The following ANKHD1 variants were observed in gnomAD, a reference collection of about 807,000 sequenced individuals.
ANKHD1 encodes ankyrin repeat and KH domain-containing protein 1.
A neutral mutation model predicts 230.5 loss-of-function variants in ANKHD1; 31 were observed. That is an observed-to-expected ratio of 0.13 (90% CI 0.10 to 0.18). The LOEUF (loss-of-function observed/expected upper bound fraction) is 0.18. Ranked by LOEUF, ANKHD1 falls within the 10% of genes least tolerant of loss-of-function variation. The pLI is 1.00. For missense variants in ANKHD1, 2,256 were observed against 3,071.3 expected (o/e 0.73, Z 6.27); for synonymous variants, 1,074 against 1,117.6 (o/e 0.96, Z 0.78).
chr5:140,486,728 G>A (rs547001997), intron 13 of ANKHD1: 2 of 330,566 alleles, frequency 6.1e-6, no homozygotes, highest in East Asian at 1.1e-4. Context: ...AGGGAGTAAT[G>A]TTATTTCCAT....
At chr5:140,416,965 T>C (rs937077391) in intron 1 of ANKHD1, among the ~76,000 whole-genome samples, 5 of 152,048 alleles carry the variant, frequency 3.3e-5, no homozygotes, top group African/African-American at 1.2e-4. Flanking sequence ...TTTTATGTAA[T>C]TGTTTTATTA....
intron 1 of ANKHD1, among the ~76,000 whole-genome samples, chr5:140,406,515 G>A (rs1307179747): frequency 6.6e-6 from 1 of 151,626 alleles, no homozygotes; most frequent in Non-Finnish European, 1.5e-5. Context: ...TGCTGGCCAA[G>A]CAAAAGACCT....
chr5:140,526,161 C>A lies in ANKHD1; in HGVS notation c.4658C>A (p.Thr1553Asn), dbSNP rs1443206346. ...RKNKKNKTKETPPTAHLILPE... is the reference protein window; with the variant it reads ...RKNKKNKTKENPPTAHLILPE... ...AATAAGAAGAACAAAACAAAAGAAACCCCTCCTACAGCACATTTAATTTTA... is the reference window on the plus strand; with the variant it reads ...AATAAGAAGAACAAAACAAAAGAAAACCCTCCTACAGCACATTTAATTTTA... Residue 1553 changes from threonine to asparagine, a missense_variant, in exon 26 of 34, where the codon ACC becomes AAC. This residue lies in a region of ANKHD1 where 212 missense variants were observed against 257.3 expected (regional missense o/e 0.82). Transcript: ENST00000360839. 1.2e-6 allele frequency: 2 copies of A among 1,613,578 alleles called. No individual in the cohort carries two copies. Among genetic ancestry groups the A allele is most frequent in the Non-Finnish European group, 1.7e-6 (2 of 1,179,928 alleles).
intron 3 of ANKHD1, among the ~76,000 whole-genome samples, chr5:140,439,823 T>C (rs1561723464): frequency 6.6e-6 from 1 of 152,204 alleles, no homozygotes; most frequent in African/African-American, 2.4e-5. Flanking sequence ...GGGTTGGACA[T>C]GCTTGGTCTA....
chr5:140,449,838 G>A lies in ANKHD1; in HGVS notation c.1242+533G>A, dbSNP rs184761581. 1.1e-4 allele frequency among the ~76,000 whole-genome samples: 16 copies of A among 152,194 alleles called. No individual in the cohort carries two copies. In the East Asian group the frequency reaches 2.5e-3, roughly 24 times the overall value. On this transcript the variant is annotated intron_variant, in intron 7 of 33. Transcript: ENST00000360839. ...TCTGGAGATAGTAGACATAGTTCTA[G>A]TGTTTTTACAGTTTCATATTAAAAT...
intron 1 of ANKHD1, among the ~76,000 whole-genome samples, chr5:140,409,960 G>T (rs1770793254): frequency 6.6e-6 from 1 of 152,260 alleles, no homozygotes; most frequent in African/African-American, 2.4e-5. Context: ...TTATGTGAAT[G>T]GTGGGGTTGA....
intron 7 of ANKHD1, 140 bp from the exon 8 acceptor site, chr5:140,458,485 A>G (rs2126963908): frequency 1.3e-6 from 1 of 775,128 alleles, no homozygotes; most frequent in Admixed American, 3.1e-5. Flanking sequence ...GCATGATAAT[A>G]TATATGCTGT....
At chr5:140,449,077 C>A in intron 6 of ANKHD1, 134 bp from the exon 7 acceptor site, 12 of 888,550 alleles carry the variant, frequency 1.4e-5, no homozygotes, top group East Asian at 3.2e-5. Flanking sequence ...AAAACTGTTA[C>A]TGATTTATTT....
At position 140,528,301 on chromosome 5, in the gene ANKHD1, C is replaced by T. The variant is rs969868044; in HGVS notation, c.5355C>T (p.Thr1785=). 1 of 1,613,902 alleles carries T rather than the reference C, an allele frequency of 6.2e-7. No individual in the cohort carries two copies. The highest frequency in any genetic ancestry group is 8.5e-7 in the Non-Finnish European group (1 of 1,179,992). ...ATCATATCAGAACACCTGCCAGCACCAAATCAATTCATGCTAACTTCTCAT... is the reference window on the plus strand; with the variant it reads ...ATCATATCAGAACACCTGCCAGCACTAAATCAATTCATGCTAACTTCTCAT... ...PKNHIRTPAS[T]KSIHANFSSG... The change falls in exon 29 of 34, where the codon ACC becomes ACT. Residue 1785 remains threonine (T), a synonymous_variant. Transcript: ENST00000360839.
At chr5:140,486,917 T>G (rs2127020401) in intron 13 of ANKHD1, 41 bp from the exon 14 acceptor site, 2 of 1,594,408 alleles carry the variant, frequency 1.3e-6, no homozygotes, top group Non-Finnish European at 8.6e-7. Context: ...TTTGTCTTAT[T>G]CTTTGGTCTG....
intron 7 of ANKHD1, among the ~76,000 whole-genome samples, chr5:140,454,742 T>C (rs2126954466): frequency 6.6e-6 from 1 of 152,278 alleles, no homozygotes; most frequent in East Asian, 1.9e-4. Flanking sequence ...TAGCACTAAA[T>C]GTCCACAAGA....
rs142646199 is a variant in ANKHD1, at chr5:140,440,137, T to C, written c.636T>C (p.Ala212=). The C allele has an allele frequency of 1.7e-5, 28 of 1,610,012 alleles. No individual in the cohort carries two copies. Among genetic ancestry groups the C allele is most frequent in the Non-Finnish European group, 2.4e-5 (28 of 1,178,050 alleles). ...GQVDTRSLAE[A]CSDGDVNAVR... ...TTTCCAGTCGCAGTCTAGCAGAAGC[T>C]TGTTCAGATGGGGATGTTAATGCTG... The change falls in exon 4 of 34, where the codon GCT becomes GCC. Residue 212 remains alanine (A), a synonymous_variant. Coordinates refer to ENST00000360839, the MANE Select transcript of ANKHD1 (RefSeq NM_017747.3).
At chr5:140,517,583 A>C (rs1330983038) in intron 24 of ANKHD1, among the ~76,000 whole-genome samples, 1 of 99,144 alleles carries the variant, frequency 1.0e-5, no homozygotes, top group East Asian at 2.8e-4. Flanking sequence ...AAATTATAAC[A>C]AACTATCTCT....
At chr5:140,436,353 A>G (rs1168467119) in intron 2 of ANKHD1, 96 bp downstream of exon 2, 5 of 1,258,686 alleles carry the variant, frequency 4.0e-6, no homozygotes, top group Non-Finnish European at 5.1e-6. Context: ...AACATTATAC[A>G]AAATTTAAAA....
At chr5:140,442,305 A>T (rs573388348) in intron 5 of ANKHD1, among the ~76,000 whole-genome samples, 1 of 151,966 alleles carries the variant, frequency 6.6e-6, no homozygotes, top group African/African-American at 2.4e-5. Flanking sequence ...CAGCCTCCCA[A>T]AGTGCTGGGA....
At chr5:140,452,001 C>A (rs913782527) in intron 7 of ANKHD1, among the ~76,000 whole-genome samples, 1 of 152,138 alleles carries the variant, frequency 6.6e-6, no homozygotes, top group Non-Finnish European at 1.5e-5. Context: ...TCTACAGCTC[C>A]CAGCATGAGC....
At chr5:140,525,875 C>T (rs1753586838) in intron 25 of ANKHD1, 121 bp from the exon 26 acceptor site, 1 of 1,124,332 alleles carries the variant, frequency 8.9e-7, no homozygotes, top group Non-Finnish European at 1.2e-6. Flanking sequence ...TTAGTGAATA[C>T]TGGTGAAAGG....
At position 140,455,041 on chromosome 5, in the gene ANKHD1, G is replaced by A. The variant is rs970939656; in HGVS notation, c.1243-3584G>A. Among the ~76,000 whole-genome samples the A allele has an allele frequency of 1.6e-3, 251 of 152,192 alleles. 4 individuals carry two copies. The Middle Eastern group carries it at 0.017, about 10-fold the overall frequency. On this transcript the variant is annotated intron_variant, in intron 7 of 33. Coordinates refer to ENST00000360839, the MANE Select transcript of ANKHD1 (RefSeq NM_017747.3). ...AAATGATAAAGGGGATATCACCACCGATCCCACAGAAATACAAACTACCAT... is the reference window on the plus strand; with the variant it reads ...AAATGATAAAGGGGATATCACCACCAATCCCACAGAAATACAAACTACCAT...
At position 140,513,359 on chromosome 5, in the gene ANKHD1, G is replaced by A. The variant is rs1265633766; in HGVS notation, c.4201-4G>A. 10 of 1,607,348 alleles carry A rather than the reference G, an allele frequency of 6.2e-6. No individual in the cohort carries two copies. Among genetic ancestry groups the A allele is most frequent in the Non-Finnish European group, 8.5e-6 (10 of 1,177,442 alleles). On this transcript the variant is annotated splice_polypyrimidine_tract_variant and splice_region_variant and intron_variant, in intron 23 of 33. Coordinates refer to ENST00000360839, the MANE Select transcript of ANKHD1 (RefSeq NM_017747.3). ...TATTTACATAATTCTATTTCCTGCTGTAGGAACTGTTGAAAAAATGTCATC... is the reference window on the plus strand; with the variant it reads ...TATTTACATAATTCTATTTCCTGCTATAGGAACTGTTGAAAAAATGTCATC...
Sources: allele counts gnomAD v4.1 joint callset (sites outside exome capture counted in the v4.1 genomes callset), GRCh38; gene constraint gnomAD v4.1.1; regional missense constraint gnomAD v4.1.1; transcripts MANE v1.5; gene names NCBI Gene and HGNC (gene_info 2026-07-23, HGNC 2026-07-21).